ZFHX3: variants seen among roughly 807,000 people sequenced by gnomAD.
ZFHX3 encodes zinc finger homeobox 3.
ZFHX3 carries 42 observed loss-of-function variants against 279.1 expected under a neutral mutation model. That is an observed-to-expected ratio of 0.15 (90% CI 0.12 to 0.19). ZFHX3 has a LOEUF of 0.19. Ranked by LOEUF, ZFHX3 falls within the 10% of genes least tolerant of loss-of-function variation. ZFHX3 has a pLI of 1.00. For synonymous variants in ZFHX3, 2,293 were observed against 1,957.8 expected (o/e 1.17, Z -4.52); for missense variants, 4,981 against 4,754.0 (o/e 1.05, Z -1.40).
intron 2 of ZFHX3, among the ~76,000 whole-genome samples, chr16:73,626,948 GACTTAT>G (rs2052422655): frequency 6.6e-6 from 1 of 152,138 alleles, no homozygotes; most frequent in African/African-American, 2.4e-5. Context: ...GATAAAGAGG[GACTTAT>G]ACTTCTACTG....
intron 2 of ZFHX3, among the ~76,000 whole-genome samples, chr16:73,640,846 C>T (rs1176017409): frequency 1.3e-5 from 2 of 152,094 alleles, no homozygotes; most frequent in Non-Finnish European, 2.9e-5. Flanking sequence ...AGTTTCCAAC[C>T]AGGTACCCAG....
At chr16:73,672,945 A>G (rs1420586203) in intron 2 of ZFHX3, among the ~76,000 whole-genome samples, 1 of 152,136 alleles carries the variant, frequency 6.6e-6, no homozygotes, top group Non-Finnish European at 1.5e-5. Context: ...TCAAAGGCCT[A>G]TTATACAGCA....
At chr16:73,026,903 T>G (rs1044540193) in intron 1 of ZFHX3, among the ~76,000 whole-genome samples, 4 of 152,244 alleles carry the variant, frequency 2.6e-5, no homozygotes, top group African/African-American at 7.2e-5. Flanking sequence ...AGCAGTAGAT[T>G]TGGAGCTAGA....
intron 5 of ZFHX3, among the ~76,000 whole-genome samples, chr16:73,240,329 C>G (rs913254453): frequency 2.0e-5 from 3 of 151,952 alleles, no homozygotes; most frequent in Non-Finnish European, 4.4e-5. Flanking sequence ...AGTGATTCTC[C>G]AGCCTCAGCC....
intron 4 of ZFHX3, among the ~76,000 whole-genome samples, chr16:72,830,364 T>C (rs953317454): frequency 2.0e-5 from 3 of 152,144 alleles, no homozygotes; most frequent in East Asian, 1.9e-4. Context: ...TGTGTGGGAA[T>C]TGTTGGAAGT....
At chr16:73,378,030 CAAAAAAAAAAAAAAAAAAA>C (rs71156159) in intron 3 of ZFHX3, among the ~76,000 whole-genome samples, 12,980 of 54,174 alleles carry the variant, frequency 0.24, 903 homozygotes, top group East Asian at 0.39. Context: ...GACTCTGTCT[CAAAAAAAAAAAAAAAAAAA>C]AAAAAAAAAA....
intron 4 of ZFHX3, among the ~76,000 whole-genome samples, chr16:72,868,470 A>T (rs539147481): frequency 6.6e-6 from 1 of 152,240 alleles, no homozygotes; most frequent in South Asian, 2.1e-4. Context: ...GCTTTCCCTC[A>T]CATTCTTCCA....
rs559715399 is a variant in ZFHX3, at chr16:73,301,758, C to CTTTTTTTT, written c.-1194+16474_-1194+16481dup. Among the ~76,000 whole-genome samples, 6 of 140,116 alleles carry CTTTTTTTT rather than the reference C, an allele frequency of 4.3e-5. 1 individual carries two copies. Among genetic ancestry groups the CTTTTTTTT allele is most frequent in the Admixed American group, 2.1e-4 (3 of 13,966 alleles). 91.9% of individuals were successfully genotyped at this position (140,116 alleles called of 152,430 possible). A position where few individuals can be genotyped will look rare whatever the true frequency, so the allele number is the denominator to read the frequency against. The stretch of plus-strand genomic sequence containing the variant: ...ATTTGGAAAAGAAACTTGATTCCAG[C>CTTTTTTTT]TTTTTTTTTTTTTTTGTGACAAGCA... On this transcript the variant is annotated intron_variant, in intron 4 of 17. Coordinates refer to the ZFHX3 transcript ENST00000641206.
chr16:73,550,795 T>G (rs1316965386), intron 2 of ZFHX3, among the ~76,000 whole-genome samples: 1 of 152,224 alleles, frequency 6.6e-6, no homozygotes, highest in African/African-American at 2.4e-5. Context: ...CAACAAAAAT[T>G]CACTCTGTTG....
chr16:73,105,294 C>CAT (rs1197148935), intron 7 of ZFHX3, among the ~76,000 whole-genome samples: 6 of 147,200 alleles, frequency 4.1e-5, no homozygotes, highest in Non-Finnish European at 7.4e-5. Context: ...CACACACATA[C>CAT]ATATATATAC....
rs992768083 is a variant in ZFHX3, at chr16:73,070,924, GCGCGCGCGCGCGCGCACACACACA to G, written c.-532-11936_-532-11913del. The stretch of plus-strand genomic sequence containing the variant: ...GGTTCCTAGACCGTCTTGCGCGCGC[GCGCGCGCGCGCGCGCACACACACA>G]CACACACACACACACACACACACAT... On this transcript the variant is annotated intron_variant, in intron 8 of 17. Transcript: ENST00000641206. Among the ~76,000 whole-genome samples, 14 of 31,910 alleles carry G rather than the reference GCGCGCGCGCGCGCGCACACACACA, an allele frequency of 4.4e-4. No homozygotes were observed. In the Admixed American group the frequency reaches 4.8e-3, roughly 11 times the overall value. 20.9% of individuals were successfully genotyped at this position (31,910 alleles called of 152,430 possible).
chr16:73,367,877 T>G (rs2016557695), intron 3 of ZFHX3, among the ~76,000 whole-genome samples: 1 of 151,068 alleles, frequency 6.6e-6, no homozygotes. Context: ...CTTTTTTTTT[T>G]TTTTTTTTTG....
intron 2 of ZFHX3, among the ~76,000 whole-genome samples, chr16:73,648,701 C>T (rs570039418): frequency 3.3e-5 from 5 of 152,256 alleles, no homozygotes; most frequent in South Asian, 4.1e-4. Flanking sequence ...TGTGAGCCAC[C>T]GTGCTCACCC....
chr16:73,371,517 G>T (rs1448367885), intron 3 of ZFHX3, among the ~76,000 whole-genome samples: 2 of 151,726 alleles, frequency 1.3e-5, no homozygotes, highest in African/African-American at 4.8e-5. Flanking sequence ...CCGAGTACCA[G>T]GTAAGTTAAG....
At chr16:73,315,277 C>G (rs906169000) in intron 4 of ZFHX3, among the ~76,000 whole-genome samples, 1 of 151,222 alleles carries the variant, frequency 6.6e-6, no homozygotes, top group Non-Finnish European at 1.5e-5. Context: ...TATAATGATA[C>G]AATGCCTCCT....
At chr16:73,005,816 T>C (rs1367363521) in intron 1 of ZFHX3, 1 of 152,148 alleles carries the variant, frequency 6.6e-6, no homozygotes, top group African/African-American at 2.4e-5. Flanking sequence ...TTCAGCATAA[T>C]GCTTGGCACT....
chr16:73,206,392 C>A lies in ZFHX3; in HGVS notation c.-1104+50655G>T, dbSNP rs539352284. Among the ~76,000 whole-genome samples, 29 of 152,266 alleles carry A rather than the reference C, an allele frequency of 1.9e-4. 1 individual carries two copies. Among genetic ancestry groups the A allele is most frequent in the Admixed American group, 5.2e-4 (8 of 15,294 alleles). On this transcript the variant is annotated intron_variant, in intron 5 of 17. Coordinates refer to the ZFHX3 transcript ENST00000641206. Reference sequence around the variant, plus strand: ...AGTTAATGAAGAGATCTGGCCAACACAACACAGGAAAACAGGGAGTCTGCT... The same window carrying A: ...AGTTAATGAAGAGATCTGGCCAACAAAACACAGGAAAACAGGGAGTCTGCT...
intron 2 of ZFHX3, among the ~76,000 whole-genome samples, chr16:73,493,574 C>T (rs1345945452): frequency 6.6e-6 from 1 of 152,170 alleles, no homozygotes; most frequent in South Asian, 2.1e-4. Context: ...TGGGCAGGGC[C>T]AGGCTGGCCC....
chr16:73,523,280 T>A (rs1195468264), intron 2 of ZFHX3, among the ~76,000 whole-genome samples: 1 of 152,238 alleles, frequency 6.6e-6, no homozygotes, highest in Non-Finnish European at 1.5e-5. Context: ...ACACAGCACC[T>A]GCTTGGTACA....
Sources: allele counts gnomAD v4.1 joint callset (sites outside exome capture counted in the v4.1 genomes callset), GRCh38; gene constraint gnomAD v4.1.1; transcripts MANE v1.5; gene names NCBI Gene and HGNC (gene_info 2026-07-23, HGNC 2026-07-21).